MSH3: variants seen among roughly 807,000 people sequenced by gnomAD.
MSH3 encodes the protein DNA mismatch repair protein Msh3.
Under a neutral mutation model 123.3 loss-of-function variants are expected in MSH3, and 106 were observed. That is an observed-to-expected ratio of 0.86 (90% confidence interval 0.73 to 1.01). The LOEUF (loss-of-function observed/expected upper bound fraction) is 1.01, where lower values mean the gene tolerates loss of function less well. MSH3 is among the 50% of genes least tolerant of loss of function. The probability of loss-of-function intolerance (pLI) is 0.00; values close to 1 mark genes in which losing one functional copy is unlikely to be tolerated. For missense variants in MSH3, 1,459 were observed against 1,347.6 expected, an observed-to-expected ratio of 1.08 and a Z score of -1.29; for synonymous variants, 515 against 481.4, an observed-to-expected ratio of 1.07 and a Z score of -0.91.
rs997122264 is a variant in MSH3 at position 80,737,026 on chromosome 5, T to G, written c.1569-4438T>G. 5.3e-5 allele frequency among the ~76,000 whole-genome samples: 8 copies of G among 152,322 alleles called. No individual in the cohort carries two copies. In the East Asian group the frequency reaches 1.5e-3, roughly 29 times the overall value. ...GTAGACTCAACATACACCTTTCCCA[T>G]TATTTGCCTTTCTAATGGGCTTATT... On this transcript the variant is annotated intron_variant, in intron 10 of 23. Transcript: ENST00000265081.
intron 8 of MSH3, among the ~76,000 whole-genome samples, chr5:80,684,055 A>G (rs1750030401): frequency 6.6e-6 from 1 of 152,070 alleles, no homozygotes; most frequent in African/African-American, 2.4e-5. Flanking sequence ...GTCTGTTTTT[A>G]TGCCAGTACC....
At chr5:80,716,012 T>C (rs1750952787) in intron 8 of MSH3, among the ~76,000 whole-genome samples, 1 of 152,208 alleles carries the variant, frequency 6.6e-6, no homozygotes, top group Non-Finnish European at 1.5e-5. Context: ...TCATCTTTAG[T>C]GCTCTCTCTG....
intron 8 of MSH3, among the ~76,000 whole-genome samples, chr5:80,701,071 G>A (rs1302600772): frequency 6.6e-6 from 1 of 152,096 alleles, no homozygotes; most frequent in Non-Finnish European, 1.5e-5. Flanking sequence ...AGAAGTTTGT[G>A]TTATAAATGT....
intron 8 of MSH3, among the ~76,000 whole-genome samples, chr5:80,701,121 A>C (rs751949035): frequency 6.6e-6 from 1 of 152,222 alleles, no homozygotes; most frequent in Non-Finnish European, 1.5e-5. Flanking sequence ...TATTATTAGC[A>C]TCTTAAAAAA....
At chr5:80,798,977 A>T (rs1217673163) in intron 19 of MSH3, among the ~76,000 whole-genome samples, 1 of 152,136 alleles carries the variant, frequency 6.6e-6, no homozygotes, top group Non-Finnish European at 1.5e-5. Context: ...CTCACATACT[A>T]CTTTTGTTAC....
At chr5:80,836,774 T>TCCCTCTCCCCACGGTCTCCCTC (rs1561494208) in intron 20 of MSH3, among the ~76,000 whole-genome samples, 3 of 151,476 alleles carry the variant, frequency 2.0e-5, no homozygotes, top group Admixed American at 6.5e-5. Flanking sequence ...CTATACTGTA[T>TCCCTCTCCCCACGGTCTCCCTC]TATTTTTAAC....
intron 21 of MSH3, among the ~76,000 whole-genome samples, chr5:80,861,245 G>A (rs1172311350): frequency 6.6e-6 from 1 of 152,154 alleles, no homozygotes; most frequent in Admixed American, 6.5e-5. Context: ...AGCTGGCTAT[G>A]ATGTATTGGG....
chr5:80,837,111 A>G (rs1936024884), intron 20 of MSH3, among the ~76,000 whole-genome samples: 1 of 152,242 alleles, frequency 6.6e-6, no homozygotes, highest in African/African-American at 2.4e-5. Flanking sequence ...TCCAGGCATT[A>G]GTAAAACATT....
intron 2 of MSH3, among the ~76,000 whole-genome samples, chr5:80,659,514 T>A (rs953080793): frequency 6.7e-6 from 1 of 149,978 alleles, no homozygotes; most frequent in African/African-American, 2.5e-5. Context: ...TGGCCTTTGG[T>A]GTCTGGTTTC....
At chr5:80,743,286 T>A (rs1420048493) in intron 11 of MSH3, among the ~76,000 whole-genome samples, 1 of 152,104 alleles carries the variant, frequency 6.6e-6, no homozygotes, top group Non-Finnish European at 1.5e-5. Context: ...TGAACTGCCC[T>A]CCTTAGCCTG....
At chr5:80,779,948 G>A (rs1296208647) in intron 17 of MSH3, among the ~76,000 whole-genome samples, 1 of 152,156 alleles carries the variant, frequency 6.6e-6, no homozygotes, top group East Asian at 1.9e-4. Flanking sequence ...ATTTTAAAAT[G>A]AAAGACCTAA....
intron 8 of MSH3, among the ~76,000 whole-genome samples, chr5:80,718,768 C>G (rs1294310743): frequency 6.6e-6 from 1 of 151,660 alleles, no homozygotes; most frequent in African/African-American, 2.4e-5. Flanking sequence ...TAGTGATGAA[C>G]AAGTCTTGCT....
chr5:80,813,663 T>C lies in MSH3; in HGVS notation c.2735T>C (p.Ile912Thr). 6.2e-7 allele frequency: 1 copy of C among 1,614,172 alleles called. No homozygotes were observed. The highest frequency in any genetic ancestry group is 8.5e-7 in the Non-Finnish European group (1 of 1,180,016). ...KSSYIKQVAL[I>T]TIMAQIGSYV... Reference sequence around the variant, plus strand: ...TCCTACATAAAACAAGTTGCATTGATTACCATCATGGCTCAGATTGGCTCC... The same window carrying C: ...TCCTACATAAAACAAGTTGCATTGACTACCATCATGGCTCAGATTGGCTCC... The change falls in exon 20 of 24, where the codon ATT (isoleucine) becomes ACT (threonine). Residue 912 changes from isoleucine to threonine, a missense_variant. Physicochemically the swap from Ile to Thr is moderately conservative, Grantham distance 89. Coordinates refer to ENST00000265081, the MANE Select transcript of MSH3 (RefSeq NM_002439.5).
intron 12 of MSH3, among the ~76,000 whole-genome samples, chr5:80,755,647 C>G (rs1045777000): frequency 6.6e-6 from 1 of 152,046 alleles, no homozygotes; most frequent in African/African-American, 2.4e-5. Flanking sequence ...AAGGGAAGAA[C>G]TGAGGGAACA....
chr5:80,786,585 A>G (rs981270041), intron 17 of MSH3, among the ~76,000 whole-genome samples: 1 of 152,232 alleles, frequency 6.6e-6, no homozygotes, highest in African/African-American at 2.4e-5. Flanking sequence ...AGTAGTTACT[A>G]TAAAGATTTA....
In MSH3 at chr5:80,733,821, G is replaced by T. The variant is rs916420355; in HGVS notation, c.1568+4856G>T. Among the ~76,000 whole-genome samples the T allele has an allele frequency of 5.3e-5, 8 of 152,104 alleles. No homozygotes were observed. In the East Asian group the frequency reaches 1.5e-3, roughly 29 times the overall value. On this transcript the variant is annotated intron_variant, in intron 10 of 23. Transcript: ENST00000265081. ...GGCTATAACTAGGAAAAAAAAAGGT[G>T]TTGGCTGGGATGCAGACAACTTGAA... is the stretch of plus-strand genomic sequence containing the variant.
chr5:80,787,275 T>C (rs1278361729), intron 17 of MSH3, among the ~76,000 whole-genome samples: 1 of 152,254 alleles, frequency 6.6e-6, no homozygotes, highest in Admixed American at 6.5e-5. Context: ...TGTTATATCT[T>C]AAGTTCAAAT....
intron 8 of MSH3, among the ~76,000 whole-genome samples, chr5:80,686,422 C>T (rs1258004369): frequency 6.6e-6 from 1 of 151,200 alleles, no homozygotes; most frequent in East Asian, 1.9e-4. Context: ...CGTGCCTCAG[C>T]CTCCCGAGTA....
At chr5:80,676,780 T>C (rs1749848908) in intron 7 of MSH3, among the ~76,000 whole-genome samples, 1 of 152,224 alleles carries the variant, frequency 6.6e-6, no homozygotes, top group Admixed American at 6.5e-5. Context: ...ACTTTTAAGC[T>C]TTAACATATG....
Sources: gnomAD v4.1 joint callset for allele counts (sites outside exome capture counted in the v4.1 genomes callset) on GRCh38, gnomAD v4.1.1 for gene constraint, MANE v1.5 for transcripts, NCBI Gene and HGNC (gene_info 2026-07-23, HGNC 2026-07-21) for gene names.